Variants in SAMMSON observed in about 807,000 individuals in gnomAD.
The protein encoded by SAMMSON is survival associated mitochondrial melanoma specific oncogenic non-coding RNA.
chr3:70,187,263 C>A (rs1436166708), intron 4 of SAMMSON, among the ~76,000 whole-genome samples: 1 of 151,988 alleles, frequency 6.6e-6, no homozygotes, highest in Non-Finnish European at 1.5e-5. Flanking sequence ...CATCAGAGTA[C>A]CCATGATGGA....
chr3:70,253,046 C>A (rs1701784142), intron 6 of SAMMSON, among the ~76,000 whole-genome samples: 1 of 151,968 alleles, frequency 6.6e-6, no homozygotes, highest in South Asian at 2.1e-4. Context: ...CACCATTGTA[C>A]TCCAGCCTGG....
chr3:70,130,218 A>G (rs1559520197), intron 4 of SAMMSON, among the ~76,000 whole-genome samples: 4 of 152,214 alleles, frequency 2.6e-5, no homozygotes, highest in Admixed American at 6.5e-5. Flanking sequence ...GGAGACGAAT[A>G]TAGTTGAGCA....
chr3:70,419,134 C>T (rs1302783117), intron 2 of SAMMSON, among the ~76,000 whole-genome samples: 1 of 152,054 alleles, frequency 6.6e-6, no homozygotes, highest in African/African-American at 2.4e-5. Flanking sequence ...AAACGACCTT[C>T]CCGCCTCAGC....
chr3:70,172,699 G>A (rs1043707160), intron 4 of SAMMSON: 14 of 151,904 alleles, frequency 9.2e-5, no homozygotes, highest in African/African-American at 3.1e-4. Flanking sequence ...CCCTTATAGC[G>A]ATAACCATAT....
At chr3:70,190,751 A>G (rs1701125151) in intron 4 of SAMMSON, among the ~76,000 whole-genome samples, 1 of 152,058 alleles carries the variant, frequency 6.6e-6, no homozygotes, top group African/African-American at 2.4e-5. Flanking sequence ...AAATCACTTC[A>G]TGGGGTGTAT....
intron 7 of SAMMSON, among the ~76,000 whole-genome samples, chr3:70,346,277 A>G (rs541512976): frequency 1.8e-4 from 27 of 146,568 alleles, no homozygotes; most frequent in Non-Finnish European, 3.3e-4. Context: ...TATATCATCT[A>G]TACTGAAATA....
chr3:70,308,409 G>T (rs1702423657), intron 7 of SAMMSON, among the ~76,000 whole-genome samples: 1 of 152,028 alleles, frequency 6.6e-6, no homozygotes, highest in Non-Finnish European at 1.5e-5. Flanking sequence ...TTAAAAGAGG[G>T]TTTCTCCAAG....
At chr3:70,229,381 A>C (rs1701538286) in intron 4 of SAMMSON, among the ~76,000 whole-genome samples, 2 of 152,218 alleles carry the variant, frequency 1.3e-5, no homozygotes, top group Admixed American at 1.3e-4. Flanking sequence ...ATATGGCTAA[A>C]GAAGATCATT....
intron 2 of SAMMSON, among the ~76,000 whole-genome samples, chr3:70,397,244 G>C (rs1256527300): frequency 6.6e-6 from 1 of 152,102 alleles, no homozygotes; most frequent in Admixed American, 6.6e-5. Flanking sequence ...TATATATTAA[G>C]TTTTGAGCTC....
intron 7 of SAMMSON, among the ~76,000 whole-genome samples, chr3:70,314,937 G>A (rs1300126952): frequency 6.6e-6 from 1 of 152,012 alleles, no homozygotes; most frequent in Middle Eastern, 3.2e-3. Flanking sequence ...TAAATTTTCT[G>A]TCCCAAGAGC....
At chr3:70,199,765 T>C (rs535010599) in intron 4 of SAMMSON, among the ~76,000 whole-genome samples, 1 of 152,296 alleles carries the variant, frequency 6.6e-6, no homozygotes, top group Non-Finnish European at 1.5e-5. Context: ...CTGCACTATT[T>C]CCTGGTGCTT....
chr3:70,338,946 C>T (rs190543960), intron 7 of SAMMSON, among the ~76,000 whole-genome samples: 2 of 152,260 alleles, frequency 1.3e-5, no homozygotes, highest in Admixed American at 6.5e-5. Context: ...ATTGCCAAGA[C>T]AATCCTAAGC....
intron 7 of SAMMSON, among the ~76,000 whole-genome samples, chr3:70,303,763 C>A (rs142494666): frequency 2.6e-5 from 4 of 152,044 alleles, no homozygotes; most frequent in African/African-American, 9.7e-5. Flanking sequence ...CTCACTGCAA[C>A]CTCCGCCTCC....
At chr3:70,341,475 T>A (rs1702710001) in intron 7 of SAMMSON, among the ~76,000 whole-genome samples, 1 of 152,160 alleles carries the variant, frequency 6.6e-6, no homozygotes, top group South Asian at 2.1e-4. Context: ...TCCTAGTTGG[T>A]CAAAACAAAT....
At chr3:70,322,417 T>C (rs934848128) in intron 7 of SAMMSON, among the ~76,000 whole-genome samples, 1 of 152,146 alleles carries the variant, frequency 6.6e-6, no homozygotes, top group Non-Finnish European at 1.5e-5. Context: ...TCATCTTGAC[T>C]GTGTCTTTGC....
At chr3:70,001,956 G>A (rs958500748) in intron 1 of SAMMSON, among the ~76,000 whole-genome samples, 1 of 152,108 alleles carries the variant, frequency 6.6e-6, no homozygotes, top group Non-Finnish European at 1.5e-5. Context: ...TGTTTTGCTT[G>A]CATAAGCCAG....
intron 4 of SAMMSON, among the ~76,000 whole-genome samples, chr3:70,079,437 G>A (rs950586065): frequency 6.6e-6 from 1 of 152,118 alleles, no homozygotes; most frequent in Non-Finnish European, 1.5e-5. Flanking sequence ...ACTTATGATG[G>A]TGTGACTTAT....
chr3:70,170,579 C>CTTTTTTTTTTTTTTTTTT (rs538385626), intron 4 of SAMMSON, among the ~76,000 whole-genome samples: 31 of 105,478 alleles, frequency 2.9e-4, no homozygotes, highest in South Asian at 6.4e-4. Context: ...CTAGATTTTC[C>CTTTTTTTTTTTTTTTTTT]TTTTTTTTTT....
Position 70,081,572 on chromosome 3 carries a change from G to A in SAMMSON, n.507+10007G>A, listed in dbSNP as rs540095445. On this transcript the variant is annotated intron_variant and non_coding_transcript_variant, in intron 4 of 9. Transcript: ENST00000642114. Reference sequence around the variant, plus strand: ...CATGGCAGGCACTCAATGAATATACGTTGCAGTGACTGACAGAACAAATGA... The same window carrying A: ...CATGGCAGGCACTCAATGAATATACATTGCAGTGACTGACAGAACAAATGA... Among the ~76,000 whole-genome samples, 6 of 152,232 alleles carry A rather than the reference G, an allele frequency of 3.9e-5. No individual in the cohort carries two copies. The South Asian group carries it at 8.3e-4, about 21-fold the overall frequency.
Sources: allele counts gnomAD v4.1 joint callset (sites outside exome capture counted in the v4.1 genomes callset), GRCh38; gene constraint gnomAD v4.1.1; transcripts MANE v1.5; gene names NCBI Gene and HGNC (gene_info 2026-07-23, HGNC 2026-07-21).